Variants in DOCK3 observed in about 807,000 individuals in gnomAD.
The protein encoded by DOCK3 is dedicator of cytokinesis protein 3.
Under a neutral mutation model 265.6 loss-of-function variants are expected in DOCK3, and 60 were observed. That is an observed-to-expected ratio of 0.23 (90% CI 0.18 to 0.28). The LOEUF is 0.28. Ranked by LOEUF, DOCK3 falls within the 10% of genes least tolerant of loss-of-function variation. DOCK3 has a pLI of 1.00. For synonymous variants in DOCK3, 881 were observed against 938.0 expected, an observed-to-expected ratio of 0.94 and a Z score of 1.11; for missense variants, 1,981 against 2,594.3, an observed-to-expected ratio of 0.76 and a Z score of 5.14.
At chr3:51,123,074 C>T (rs139040925) in intron 9 of DOCK3, among the ~76,000 whole-genome samples, 106 of 152,278 alleles carry the variant, frequency 7.0e-4, no homozygotes, top group East Asian at 3.1e-3. Flanking sequence ...TTTTATCCAC[C>T]TACTCTGGCT....
chr3:50,725,573 G>A (rs1017890797), intron 1 of DOCK3, among the ~76,000 whole-genome samples: 2 of 152,128 alleles, frequency 1.3e-5, no homozygotes, highest in Non-Finnish European at 2.9e-5. Flanking sequence ...TAACCACCAA[G>A]TGAATGCTTA....
At chr3:51,348,026 A>G (rs565078962) in intron 38 of DOCK3, among the ~76,000 whole-genome samples, 10 of 152,324 alleles carry the variant, frequency 6.6e-5, no homozygotes, top group Admixed American at 2.6e-4. Context: ...TTATCAGCTT[A>G]AGGAGATTTT....
At chr3:50,697,701 T>C (rs1177784326) in intron 1 of DOCK3, among the ~76,000 whole-genome samples, 1 of 152,230 alleles carries the variant, frequency 6.6e-6, no homozygotes, top group Non-Finnish European at 1.5e-5. Flanking sequence ...CTTTTATTAT[T>C]GTTATGGACT....
chr3:51,159,106 C>A, intron 10 of DOCK3, 138 bp from the exon 11 acceptor site: 1 of 649,850 alleles, frequency 1.5e-6, no homozygotes, highest in Non-Finnish European at 2.6e-6. Flanking sequence ...ATCTTATAAA[C>A]CATTAAAGTG....
chr3:50,769,918 G>C (rs1316477094), intron 1 of DOCK3, among the ~76,000 whole-genome samples: 8 of 151,752 alleles, frequency 5.3e-5, no homozygotes, highest in African/African-American at 7.3e-5. Flanking sequence ...CTCTTTGCAG[G>C]TGGCATGATC....
intron 5 of DOCK3, among the ~76,000 whole-genome samples, chr3:51,006,172 T>A (rs551150993): frequency 6.6e-4 from 100 of 152,254 alleles, no homozygotes; most frequent in African/African-American, 2.2e-3. Context: ...TCTGCTCGTG[T>A]TACAGTCTCA....
intron 38 of DOCK3, among the ~76,000 whole-genome samples, chr3:51,341,983 C>G (rs2085272645): frequency 6.6e-6 from 1 of 152,216 alleles, no homozygotes; most frequent in South Asian, 2.1e-4. Context: ...TGGGAGAGCT[C>G]TGTGTGGCGC....
At chr3:51,228,211 G>A (rs2090409966) in intron 17 of DOCK3, 123 bp downstream of exon 17, 3 of 885,166 alleles carry the variant, frequency 3.4e-6, no homozygotes, top group Non-Finnish European at 5.4e-6. Flanking sequence ...TGCACTGGTG[G>A]GTGACAGTGG....
At chr3:50,889,095 G>GTGTT (rs2048509325) in intron 3 of DOCK3, among the ~76,000 whole-genome samples, 5 of 151,050 alleles carry the variant, frequency 3.3e-5, no homozygotes, top group African/African-American at 9.7e-5. Context: ...GTGTGTGTGT[G>GTGTT]TGTGTGTGTG....
chr3:50,882,598 A>C (rs1022313095), intron 3 of DOCK3, among the ~76,000 whole-genome samples: 1 of 152,222 alleles, frequency 6.6e-6, no homozygotes, highest in African/African-American at 2.4e-5. Flanking sequence ...AATGGCGATC[A>C]TTAAAAAGTC....
At chr3:50,964,465 A>T (rs1322621851) in intron 5 of DOCK3, among the ~76,000 whole-genome samples, 1 of 152,166 alleles carries the variant, frequency 6.6e-6, no homozygotes, top group African/African-American at 2.4e-5. Context: ...TAGAGGGAAA[A>T]ATTACGTCTG....
At chr3:50,867,884 T>G (rs1026817868) in intron 3 of DOCK3, among the ~76,000 whole-genome samples, 2 of 152,140 alleles carry the variant, frequency 1.3e-5, no homozygotes, top group African/African-American at 4.8e-5. Context: ...GCCTGTAGTT[T>G]TCCTTTTTCA....
In DOCK3 at chr3:50,760,174, A is replaced by G. The variant is rs567166558; in HGVS notation, c.38-18501A>G. 2.6e-5 allele frequency among the ~76,000 whole-genome samples: 4 copies of G among 152,050 alleles called. No homozygotes were observed. In the South Asian group the frequency reaches 6.2e-4, roughly 24 times the overall value. ...TGAGCCATTTTTAGTTCATTTTTGT[A>G]TATGCTGTGAGATAAGGGTCCATCC... On this transcript the variant is annotated intron_variant, in intron 1 of 52. Coordinates refer to ENST00000266037, the MANE Select transcript of DOCK3 (RefSeq NM_004947.5).
rs1304136705 is a variant in DOCK3 at position 51,041,160 on chromosome 3, A to ATG, written c.316-23286_316-23285dup. 5.4e-3 allele frequency among the ~76,000 whole-genome samples: 268 copies of ATG among 49,952 alleles called. 4 individuals are homozygous for ATG. The highest frequency in any genetic ancestry group is 8.4e-3 in the Non-Finnish European group (220 of 26,050). The allele number at this position is 49,952 out of a possible 152,430, so 32.8% of individuals were successfully genotyped here. A position where few individuals can be genotyped will look rare whatever the true frequency, so the allele number is the denominator to read the frequency against. On this transcript the variant is annotated intron_variant, in intron 5 of 52. Transcript: ENST00000266037. ...TCTATGGCACCTACAGCCTTACAAA[A>ATG]TGTATATATATATATATATATATAT...
intron 9 of DOCK3, among the ~76,000 whole-genome samples, chr3:51,139,986 C>T (rs1036166325): frequency 2.0e-5 from 3 of 152,126 alleles, no homozygotes; most frequent in Admixed American, 6.6e-5. Flanking sequence ...TAAGATAGGC[C>T]GAGTCAATTG....
chr3:50,833,938 C>T (rs544898316), intron 2 of DOCK3, among the ~76,000 whole-genome samples: 1 of 152,192 alleles, frequency 6.6e-6, no homozygotes, highest in African/African-American at 2.4e-5. Flanking sequence ...GTATACTTCA[C>T]TTAATTGTTA....
chr3:50,861,930 G>T (rs2046935546), intron 3 of DOCK3, among the ~76,000 whole-genome samples: 1 of 148,842 alleles, frequency 6.7e-6, no homozygotes, highest in South Asian at 2.3e-4. Flanking sequence ...TATGTTCAAG[G>T]TTGATACTGC....
At chr3:50,970,936 T>A (rs2077202238) in intron 5 of DOCK3, among the ~76,000 whole-genome samples, 1 of 76,390 alleles carries the variant, frequency 1.3e-5, no homozygotes, top group African/African-American at 5.5e-5. Context: ...TATATATATA[T>A]ATATATATAT....
chr3:50,970,622 TC>T (rs1455749733), intron 5 of DOCK3, among the ~76,000 whole-genome samples: 7 of 151,528 alleles, frequency 4.6e-5, no homozygotes, highest in Non-Finnish European at 1.0e-4. Flanking sequence ...ATTTGGTTTT[TC>T]TAAAAAGTGT....
Sources: gnomAD v4.1 joint callset for allele counts (sites outside exome capture counted in the v4.1 genomes callset) on GRCh38, gnomAD v4.1.1 for gene constraint, MANE v1.5 for transcripts, NCBI Gene and HGNC (gene_info 2026-07-23, HGNC 2026-07-21) for gene names.